Variants in FAT3 observed in about 807,000 individuals in gnomAD.
FAT3 encodes the protein FAT atypical cadherin 3.
A neutral mutation model predicts 310.2 loss-of-function variants in FAT3; 95 were observed. That is an observed-to-expected ratio of 0.31 (90% CI 0.26 to 0.36). FAT3 has a LOEUF of 0.36. Ranked by LOEUF, FAT3 falls within the 10% of genes least tolerant of loss-of-function variation. FAT3 has a pLI of 1.00. For missense variants in FAT3, 5,408 were observed against 5,715.6 expected, an observed-to-expected ratio of 0.95 and a Z score of 1.74; for synonymous variants, 2,314 against 2,192.9, an observed-to-expected ratio of 1.06 and a Z score of -1.54.
At chr11:92,547,802 T>C (rs992367824) in intron 3 of FAT3, among the ~76,000 whole-genome samples, 1 of 152,152 alleles carries the variant, frequency 6.6e-6, no homozygotes, top group African/African-American at 2.4e-5. Context: ...CACTTGGCCC[T>C]GAAACAGAGT....
intron 13 of FAT3, among the ~76,000 whole-genome samples, chr11:92,828,276 A>G (rs996838824): frequency 3.9e-5 from 6 of 152,204 alleles, no homozygotes; most frequent in African/African-American, 1.4e-4. Flanking sequence ...CAAAGACCCA[A>G]ATGCTATCCC....
At chr11:92,513,021 C>T (rs1261731996) in intron 2 of FAT3, among the ~76,000 whole-genome samples, 3 of 97,818 alleles carry the variant, frequency 3.1e-5, no homozygotes, top group Non-Finnish European at 5.9e-5. Context: ...ACTCGGGAGG[C>T]TGAGGCAGGA....
intron 3 of FAT3, among the ~76,000 whole-genome samples, chr11:92,618,491 C>A (rs1269715578): frequency 6.6e-6 from 1 of 152,180 alleles, no homozygotes; most frequent in Admixed American, 6.5e-5. Flanking sequence ...CACTGTCCGA[C>A]AAGCCCCAGT....
At chr11:92,340,532 T>G (rs1948223651) in intron 1 of FAT3, among the ~76,000 whole-genome samples, 1 of 152,186 alleles carries the variant, frequency 6.6e-6, no homozygotes, top group Non-Finnish European at 1.5e-5. Context: ...ACTCTGGCTT[T>G]CAGTTTCAAA....
intron 2 of FAT3, among the ~76,000 whole-genome samples, chr11:92,359,749 G>A (rs950895924): frequency 1.7e-3 from 240 of 142,076 alleles, no homozygotes; most frequent in African/African-American, 6.0e-3. Context: ...TTGTTCTTGC[G>A]ATAGTTTACT....
intron 2 of FAT3, among the ~76,000 whole-genome samples, chr11:92,419,689 TA>T (rs1171139008): frequency 2.6e-5 from 4 of 152,222 alleles, no homozygotes; most frequent in Non-Finnish European, 2.9e-5. Flanking sequence ...TTACTGGTGT[TA>T]CTGATTTATA....
intron 1 of FAT3, among the ~76,000 whole-genome samples, chr11:92,337,848 G>A (rs540154027): frequency 1.3e-5 from 2 of 152,314 alleles, no homozygotes; most frequent in African/African-American, 4.8e-5. Flanking sequence ...ATTTACTCTT[G>A]TAACATTTGT....
intron 14 of FAT3, among the ~76,000 whole-genome samples, chr11:92,832,403 G>C (rs1255147776): frequency 2.0e-5 from 3 of 152,014 alleles, no homozygotes; most frequent in Admixed American, 6.6e-5. Flanking sequence ...CACTCTGCCA[G>C]CCCTTCTTGG....
intron 1 of FAT3, among the ~76,000 whole-genome samples, chr11:92,333,441 G>A (rs1440825143): frequency 6.6e-6 from 1 of 152,132 alleles, no homozygotes; most frequent in Non-Finnish European, 1.5e-5. Flanking sequence ...AGCAGCAGCT[G>A]GCCCCGGGAC....
chr11:92,500,255 T>C (rs974427483), intron 2 of FAT3, among the ~76,000 whole-genome samples: 1 of 152,110 alleles, frequency 6.6e-6, no homozygotes, highest in African/African-American at 2.4e-5. Flanking sequence ...GACCATACAG[T>C]ATTAAATTAG....
At chr11:92,231,978 C>T (rs533331429) in intron 1 of FAT3, among the ~76,000 whole-genome samples, 1 of 152,056 alleles carries the variant, frequency 6.6e-6, no homozygotes, top group South Asian at 2.1e-4. Flanking sequence ...TATTTTGGAC[C>T]TCTGAAATCT....
At chr11:92,854,731 T>C (rs747967624) in intron 19 of FAT3, among the ~76,000 whole-genome samples, 13 of 152,370 alleles carry the variant, frequency 8.5e-5, no homozygotes, top group African/African-American at 2.4e-4. Flanking sequence ...CTGGCCCTTT[T>C]TTCCCCCTTT....
At chr11:92,331,421 G>A (rs890869090) in intron 1 of FAT3, among the ~76,000 whole-genome samples, 6 of 151,896 alleles carry the variant, frequency 4.0e-5, no homozygotes, top group African/African-American at 1.4e-4. Flanking sequence ...AAGGCTTGTG[G>A]CAGAAGCACA....
intron 21 of FAT3, 120 bp downstream of exon 21, chr11:92,859,442 C>T: frequency 1.5e-5 from 16 of 1,041,372 alleles, no homozygotes; most frequent in Non-Finnish European, 2.0e-5. Flanking sequence ...AAGCAGACTT[C>T]TGGGCAAAGG....
intron 22 of FAT3, among the ~76,000 whole-genome samples, chr11:92,878,283 T>C (rs147194855): frequency 2.7e-4 from 41 of 152,258 alleles, no homozygotes; most frequent in African/African-American, 9.6e-4. Context: ...GGCCCACCCA[T>C]ATTATGGAGA....
chr11:92,747,959 C>T (rs1945721535), intron 4 of FAT3, among the ~76,000 whole-genome samples: 1 of 152,194 alleles, frequency 6.6e-6, no homozygotes, highest in African/African-American at 2.4e-5. Context: ...CTTCTGAGCC[C>T]TCCAAACTGT....
At chr11:92,412,736 T>TACACACAC (rs367827231) in intron 2 of FAT3, among the ~76,000 whole-genome samples, 2 of 14,960 alleles carry the variant, frequency 1.3e-4, no homozygotes, top group Non-Finnish European at 3.7e-4. Flanking sequence ...TATATATATA[T>TACACACAC]ATATATATAA....
intron 2 of FAT3, among the ~76,000 whole-genome samples, chr11:92,515,139 A>G (rs903572895): frequency 6.6e-6 from 1 of 152,138 alleles, no homozygotes; most frequent in Admixed American, 6.6e-5. Context: ...TTGAGTGCCT[A>G]CTATATGTCA....
chr11:92,710,609 T>G (rs1944491387), intron 4 of FAT3, among the ~76,000 whole-genome samples: 1 of 151,828 alleles, frequency 6.6e-6, no homozygotes, highest in South Asian at 2.1e-4. Context: ...TTATTTAGCA[T>G]TTTTTACAAC....
Sources: gnomAD v4.1 joint callset for allele counts (sites outside exome capture counted in the v4.1 genomes callset) on GRCh38, gnomAD v4.1.1 for gene constraint, MANE v1.5 for transcripts, NCBI Gene and HGNC (gene_info 2026-07-23, HGNC 2026-07-21) for gene names.